SLC16A9: variants seen among roughly 807,000 people sequenced by gnomAD.
SLC16A9 encodes solute carrier family 16 member 9, also known as monocarboxylate transporter 9.
In SLC16A9, 26 loss-of-function variants were observed where a neutral mutation model predicts 44.3. That is an observed-to-expected ratio of 0.59 (90% CI 0.43 to 0.81). The LOEUF is 0.81. SLC16A9 is among the 40% of genes least tolerant of loss of function. The probability of loss-of-function intolerance (pLI) is 0.00; values close to 1 mark genes in which losing one functional copy is unlikely to be tolerated. For synonymous variants in SLC16A9, 230 were observed against 225.1 expected, an observed-to-expected ratio of 1.02 and a Z score of -0.19; for missense variants, 559 against 595.8, an observed-to-expected ratio of 0.94 and a Z score of 0.64.
chr10:59,660,262 A>G (rs11006662), intron 4 of SLC16A9, among the ~76,000 whole-genome samples: 43,459 of 152,118 alleles, frequency 0.29, 7,589 homozygotes, highest in Middle Eastern at 0.42. Flanking sequence ...TAGCCAGACT[A>G]ATAAGTAAGA....
intron 2 of SLC16A9, among the ~76,000 whole-genome samples, chr10:59,677,420 A>G (rs1301829532): frequency 6.6e-6 from 1 of 152,128 alleles, no homozygotes; most frequent in Non-Finnish European, 1.5e-5. Flanking sequence ...CCTATAGCTC[A>G]TCTAAACTGG....
chr10:59,688,929 T>C (rs1346609128), intron 1 of SLC16A9, among the ~76,000 whole-genome samples: 2 of 151,974 alleles, frequency 1.3e-5, no homozygotes, highest in Non-Finnish European at 2.9e-5. Context: ...CAAACCTAAG[T>C]AGACAAAAAT....
chr10:59,653,624 T>C (rs775018215), intron 5 of SLC16A9, 51 bp downstream of exon 5: 3 of 1,481,184 alleles, frequency 2.0e-6, no homozygotes, highest in Non-Finnish European at 2.8e-6. Context: ...TATCTGGAGA[T>C]ATGACAAGGA....
intron 4 of SLC16A9, among the ~76,000 whole-genome samples, chr10:59,661,661 A>G (rs964953137): frequency 1.3e-5 from 2 of 152,208 alleles, no homozygotes; most frequent in Non-Finnish European, 2.9e-5. Context: ...TAAATTTCAT[A>G]TGGAAGCAAA....
At chr10:59,690,610 T>C (rs971489061) in intron 1 of SLC16A9, among the ~76,000 whole-genome samples, 1 of 151,860 alleles carries the variant, frequency 6.6e-6, no homozygotes, top group African/African-American at 2.4e-5. Context: ...TTTGGTGGAG[T>C]TGGAGAGGGC....
intron 3 of SLC16A9, among the ~76,000 whole-genome samples, chr10:59,671,697 C>A (rs1839754290): frequency 6.6e-6 from 1 of 152,226 alleles, no homozygotes; most frequent in Admixed American, 6.5e-5. Flanking sequence ...ACTCCACCAT[C>A]AGCGACAATA....
At chr10:59,672,080 A>T (rs1839763103) in intron 3 of SLC16A9, among the ~76,000 whole-genome samples, 1 of 152,146 alleles carries the variant, frequency 6.6e-6, no homozygotes, top group Non-Finnish European at 1.5e-5. Context: ...TCTTTTTCTA[A>T]GTCCCTACCA....
intron 5 of SLC16A9, 86 bp from the exon 6 acceptor site, chr10:59,653,036 T>C: frequency 7.4e-6 from 7 of 945,976 alleles, no homozygotes; most frequent in Non-Finnish European, 1.1e-5. Context: ...GTTTTATATA[T>C]AGTTATAATT....
At chr10:59,660,048 G>A (rs1359007158) in intron 4 of SLC16A9, among the ~76,000 whole-genome samples, 1 of 152,050 alleles carries the variant, frequency 6.6e-6, no homozygotes, top group African/African-American at 2.4e-5. Context: ...GGAGAAAGTG[G>A]GAAATATCTA....
In SLC16A9 at chr10:59,699,630, T is replaced by C. The variant is rs74152120; in HGVS notation, c.-37+9849A>G. Reference sequence around the variant, plus strand: ...TTGTGGTAATAATTATATGAGTTAATTTCTGTAAAGCACTTAGCCCAGTGC... The same window carrying C: ...TTGTGGTAATAATTATATGAGTTAACTTCTGTAAAGCACTTAGCCCAGTGC... On this transcript the variant is annotated intron_variant, in intron 1 of 5. Transcript: ENST00000395348. Among the ~76,000 whole-genome samples the C allele has an allele frequency of 4.1e-3, 622 of 152,264 alleles. 5 individuals are homozygous for C. The highest frequency in any genetic ancestry group is 0.014 in the African/African-American group (593 of 41,554).
rs148545689 is a variant in SLC16A9, at chr10:59,666,283, A to T, written c.341-1961T>A. ...CATTGCACTCCAGCCTAGGCAACAG[A>T]GCGAGACTCTGTCTCAAAAAAAAAA... On this transcript the variant is annotated intron_variant, in intron 3 of 5. Transcript: ENST00000395348. Among the ~76,000 whole-genome samples the T allele has an allele frequency of 8.8e-4, 131 of 149,094 alleles. 1 individual carries two copies. The highest frequency in any genetic ancestry group is 3.2e-3 in the African/African-American group (129 of 40,100).
chr10:59,684,232 GA>G lies in SLC16A9; in HGVS notation c.59del (p.Phe20SerfsTer12), dbSNP rs773452524. On this transcript the variant is annotated frameshift_variant, in exon 2 of 6. Coordinates refer to ENST00000395348, the MANE Select transcript of SLC16A9 (RefSeq NM_194298.3). LOFTEE classifies it high-confidence loss of function. ...GWGWVIVFVSFLTQFLCYGSP... is the reference protein window; with the variant it reads ...GWGWVIVFVSXLTQFLCYGSP... Reference sequence around the variant, plus strand: ...ATCCGTAACACAAAAACTGAGTAAGGAAGGAGACAAACACAATCACCCAGCC... The same window carrying G: ...ATCCGTAACACAAAAACTGAGTAAGGAGGAGACAAACACAATCACCCAGCC... 1.5e-5 allele frequency: 24 copies of G among 1,613,974 alleles called. No homozygotes were observed. Among genetic ancestry groups the G allele is most frequent in the Non-Finnish European group, 2.0e-5 (24 of 1,179,982 alleles).
intron 1 of SLC16A9, among the ~76,000 whole-genome samples, chr10:59,688,159 G>A (rs539172304): frequency 7.1e-4 from 108 of 152,164 alleles, no homozygotes; most frequent in African/African-American, 2.5e-3. Context: ...CTTTGCCCAC[G>A]GATTCTGCCA....
At position 59,669,845 on chromosome 10, in the gene SLC16A9, G is replaced by C. The variant is rs113681349; in HGVS notation, c.340+2925C>G. ...AAACAAATGGATTTACCGTAACAGA[G>C]TACAAATCTATACTGATATGGTATC... On this transcript the variant is annotated intron_variant, in intron 3 of 5. Transcript: ENST00000395348. 2.7e-3 allele frequency among the ~76,000 whole-genome samples: 417 copies of C among 151,962 alleles called. 3 individuals are homozygous for C. Among genetic ancestry groups the C allele is most frequent in the African/African-American group, 9.9e-3 (409 of 41,458 alleles).
At chr10:59,679,735 C>T (rs1480381223) in intron 2 of SLC16A9, among the ~76,000 whole-genome samples, 4 of 152,242 alleles carry the variant, frequency 2.6e-5, no homozygotes, top group South Asian at 2.1e-4. Flanking sequence ...TAAAACTGAC[C>T]GTCACACCTC....
At chr10:59,685,209 A>C (rs556194690) in intron 1 of SLC16A9, among the ~76,000 whole-genome samples, 1 of 152,324 alleles carries the variant, frequency 6.6e-6, no homozygotes, top group Admixed American at 6.5e-5. Context: ...CTATCAATAC[A>C]TAGACAGCAT....
intron 1 of SLC16A9, among the ~76,000 whole-genome samples, chr10:59,689,372 T>C (rs1840204500): frequency 6.6e-6 from 1 of 152,188 alleles, no homozygotes; most frequent in Admixed American, 6.5e-5. Context: ...AACTTCCTTT[T>C]TGAGGATGTA....
At chr10:59,657,181 C>T (rs185182756) in intron 4 of SLC16A9, among the ~76,000 whole-genome samples, 113 of 152,192 alleles carry the variant, frequency 7.4e-4, no homozygotes, top group African/African-American at 2.6e-3. Context: ...ATAATTTTCA[C>T]GTATTATGAA....
chr10:59,662,633 C>CAAAAAAAAAAAAAAAAAAAAA (rs71006278), intron 4 of SLC16A9, among the ~76,000 whole-genome samples: 13 of 43,630 alleles, frequency 3.0e-4, no homozygotes, highest in Non-Finnish European at 5.4e-4. Flanking sequence ...AACTCCATCT[C>CAAAAAAAAAAAAAAAAAAAAA]AAAAAAAAAA....
Sources: gnomAD v4.1 joint callset for allele counts (sites outside exome capture counted in the v4.1 genomes callset) on GRCh38, gnomAD v4.1.1 for gene constraint, MANE v1.5 for transcripts, NCBI Gene and HGNC (gene_info 2026-07-23, HGNC 2026-07-21) for gene names.